The following MBOAT1 variants were observed in gnomAD, a reference collection of about 807,000 sequenced individuals.
MBOAT1 encodes membrane bound glycerophospholipid O-acyltransferase 1.
MBOAT1 carries 67 observed loss-of-function variants against 64.4 expected under a neutral mutation model. The ratio of observed to expected loss-of-function variants is 1.04; its 90% CI spans 0.85 to 1.27. MBOAT1 has a LOEUF of 1.27. MBOAT1 is among the 50% of genes most tolerant of loss of function. The pLI is 0.00. For missense variants in MBOAT1, 563 were observed against 604.6 expected (o/e 0.93, Z 0.72); for synonymous variants, 229 against 218.9 (o/e 1.05, Z -0.41).
chr6:20,113,896 T>C (rs548031000), intron 10 of MBOAT1, among the ~76,000 whole-genome samples: 33 of 152,014 alleles, frequency 2.2e-4, no homozygotes, highest in African/African-American at 6.5e-4. Context: ...CCCAGCACTG[T>C]ATGGGTGGTC....
At chr6:20,143,739 T>C (rs1179212132) in intron 4 of MBOAT1, among the ~76,000 whole-genome samples, 1 of 152,148 alleles carries the variant, frequency 6.6e-6, no homozygotes, top group Non-Finnish European at 1.5e-5. Flanking sequence ...CCTGCACATG[T>C]ACCCCTAAAT....
At chr6:20,205,026 A>G (rs1310124807) in intron 1 of MBOAT1, among the ~76,000 whole-genome samples, 2 of 152,060 alleles carry the variant, frequency 1.3e-5, no homozygotes, top group Non-Finnish European at 2.9e-5. Flanking sequence ...GCAAGACCAC[A>G]TCTCTATAAA....
At chr6:20,117,977 A>G (rs1399669529) in intron 9 of MBOAT1, among the ~76,000 whole-genome samples, 2 of 152,222 alleles carry the variant, frequency 1.3e-5, no homozygotes, top group African/African-American at 4.8e-5. Context: ...TAAAAGTTGT[A>G]CATTATGACA....
At chr6:20,207,813 T>C (rs1763306047) in intron 1 of MBOAT1, among the ~76,000 whole-genome samples, 1 of 152,224 alleles carries the variant, frequency 6.6e-6, no homozygotes, top group Admixed American at 6.5e-5. Context: ...GCATCCCTTC[T>C]CTGTTCCACG....
chr6:20,140,538 C>T (rs886102134), intron 4 of MBOAT1, among the ~76,000 whole-genome samples: 10 of 152,168 alleles, frequency 6.6e-5, no homozygotes, highest in African/African-American at 1.9e-4. Flanking sequence ...AACAGAAAGG[C>T]GAAAGGAAGG....
At chr6:20,119,780 T>C (rs1453971961) in intron 8 of MBOAT1, among the ~76,000 whole-genome samples, 2 of 151,992 alleles carry the variant, frequency 1.3e-5, no homozygotes, top group African/African-American at 4.8e-5. Context: ...AAACTAATGG[T>C]TTTAATTGTG....
intron 1 of MBOAT1, among the ~76,000 whole-genome samples, chr6:20,197,729 A>G (rs919167385): frequency 5.3e-5 from 8 of 152,026 alleles, no homozygotes; most frequent in African/African-American, 1.9e-4. Context: ...AATGTATAAA[A>G]CCAAGCTGTG....
intron 3 of MBOAT1, among the ~76,000 whole-genome samples, chr6:20,148,650 C>T (rs1192532337): frequency 1.3e-5 from 2 of 152,188 alleles, no homozygotes; most frequent in African/African-American, 2.4e-5. Flanking sequence ...TCCAAATTCA[C>T]ACTACTAGGA....
In MBOAT1 at chr6:20,190,047, T is replaced by G. The variant is rs6900998; in HGVS notation, c.99+22089A>C. Among the ~76,000 whole-genome samples, 180 of 151,934 alleles carry G rather than the reference T, an allele frequency of 1.2e-3. 3 individuals are homozygous for G. Among genetic ancestry groups the G allele is most frequent in the African/African-American group, 3.7e-3 (155 of 41,468 alleles). The stretch of plus-strand genomic sequence containing the variant: ...TCTCACTCTGTCACCCAGGCTGCAG[T>G]GCAGTGATGCGATCTCGGCTCACTG... On this transcript the variant is annotated intron_variant, in intron 1 of 12. Coordinates refer to ENST00000324607, the MANE Select transcript of MBOAT1 (RefSeq NM_001080480.3).
Position 20,115,362 on chromosome 6 carries a change from A to C in MBOAT1, c.1012-10T>G, listed in dbSNP as rs746746854. The C allele has an allele frequency of 1.2e-6, 2 of 1,606,552 alleles. No individual in the cohort carries two copies. Among genetic ancestry groups the C allele is most frequent in the East Asian group, 4.5e-5 (2 of 44,852 alleles). The stretch of plus-strand genomic sequence containing the variant: ...TGAAACTTGTGGCAGTCTGGAAAGA[A>C]GAAAATAACACCTATCATTAGCTTT... On this transcript the variant is annotated splice_polypyrimidine_tract_variant and intron_variant, in intron 9 of 12. Transcript: ENST00000324607.
intron 1 of MBOAT1, among the ~76,000 whole-genome samples, chr6:20,211,289 A>G (rs758270167): frequency 5.4e-4 from 82 of 152,198 alleles, no homozygotes; most frequent in Middle Eastern, 3.2e-3. Flanking sequence ...ATGAAACAAA[A>G]CAGGAGCGCA....
intron 3 of MBOAT1, among the ~76,000 whole-genome samples, chr6:20,146,799 A>G (rs376065502): frequency 3.9e-5 from 6 of 152,186 alleles, no homozygotes; most frequent in African/African-American, 1.4e-4. Flanking sequence ...CTGAGTCCCA[A>G]TACAACAGGG....
At chr6:20,154,396 G>A (rs2113698998) in intron 1 of MBOAT1, among the ~76,000 whole-genome samples, 1 of 152,236 alleles carries the variant, frequency 6.6e-6, no homozygotes, top group Non-Finnish European at 1.5e-5. Flanking sequence ...AGCTGAGCTT[G>A]GTGGCGGGTG....
chr6:20,153,520 T>C (rs1761589214), intron 1 of MBOAT1, among the ~76,000 whole-genome samples: 1 of 152,246 alleles, frequency 6.6e-6, no homozygotes, highest in African/African-American at 2.4e-5. Flanking sequence ...CCAGTTGTTT[T>C]TTGACTCTGC....
At chr6:20,198,970 C>T (rs1017980468) in intron 1 of MBOAT1, among the ~76,000 whole-genome samples, 8 of 152,226 alleles carry the variant, frequency 5.3e-5, no homozygotes, top group African/African-American at 1.9e-4. Context: ...TGTAAACAGA[C>T]CGTACCTACA....
At position 20,124,529 on chromosome 6, in the gene MBOAT1, A is replaced by G. The variant is rs1389734525; in HGVS notation, c.786T>C (p.Phe262=). 1 of 1,614,090 alleles carries G rather than the reference A, an allele frequency of 6.2e-7. No individual in the cohort carries two copies. The highest frequency in any genetic ancestry group is 2.2e-5 in the East Asian group (1 of 44,886). ...AGTCATCCACAAGGCAGGTGACAGG[A>G]AAGGTCTTCGTTAGCGTCAAAAACA... The part of the protein sequence containing the change: ...LLLFLTLTKT[F]PVTCLVDDWF... Residue 262 remains phenylalanine, a synonymous_variant, in exon 8 of 13, where the codon TTT becomes TTC. Coordinates refer to ENST00000324607, the MANE Select transcript of MBOAT1 (RefSeq NM_001080480.3).
chr6:20,203,794 C>T (rs1442379923), intron 1 of MBOAT1, among the ~76,000 whole-genome samples: 1 of 148,444 alleles, frequency 6.7e-6, no homozygotes. Flanking sequence ...TTACAATGGG[C>T]CCGTTTAAAA....
intron 1 of MBOAT1, among the ~76,000 whole-genome samples, chr6:20,204,420 A>G (rs1285447386): frequency 1.3e-5 from 2 of 152,256 alleles, no homozygotes; most frequent in African/African-American, 4.8e-5. Flanking sequence ...TCAGTAAGTA[A>G]CTATGGAAAG....
intron 4 of MBOAT1, among the ~76,000 whole-genome samples, chr6:20,134,281 C>A (rs1037553460): frequency 6.6e-6 from 1 of 151,768 alleles, no homozygotes; most frequent in African/African-American, 2.4e-5. Context: ...ATAGCTAGAG[C>A]AAAGTCAATA....
Sources: allele counts gnomAD v4.1 joint callset (sites outside exome capture counted in the v4.1 genomes callset), GRCh38; gene constraint gnomAD v4.1.1; transcripts MANE v1.5; gene names NCBI Gene and HGNC (gene_info 2026-07-23, HGNC 2026-07-21).